ZBTB20: variants seen among roughly 807,000 people sequenced by gnomAD.
ZBTB20 encodes zinc finger and BTB domain containing 20.
Under a neutral mutation model 56.9 loss-of-function variants are expected in ZBTB20, and 9 were observed. The observed-to-expected ratio is 0.16, with a 90% CI of 0.10 to 0.28. The LOEUF (loss-of-function observed/expected upper bound fraction) is 0.28, where lower values mean the gene tolerates loss of function less well. ZBTB20 is among the 10% of genes least tolerant of loss of function. The pLI is 1.00. For synonymous variants in ZBTB20, 417 were observed against 420.7 expected (o/e 0.99, Z 0.11); for missense variants, 655 against 1,003.0 (o/e 0.65, Z 4.69).
intron 4 of ZBTB20, among the ~76,000 whole-genome samples, chr3:114,815,412 A>T (rs1307978081): frequency 6.6e-6 from 1 of 152,208 alleles, no homozygotes; most frequent in Non-Finnish European, 1.5e-5. Context: ...CAGAGACAAT[A>T]AACCACTACT....
intron 6 of ZBTB20, among the ~76,000 whole-genome samples, chr3:114,543,589 C>T (rs979959882): frequency 1.3e-5 from 2 of 152,162 alleles, no homozygotes; most frequent in Non-Finnish European, 2.9e-5. Flanking sequence ...GACTATAAAA[C>T]CCTTGGCTAC....
At chr3:115,092,681 G>A (rs951200017) in intron 1 of ZBTB20, among the ~76,000 whole-genome samples, 1 of 151,936 alleles carries the variant, frequency 6.6e-6, no homozygotes, top group Non-Finnish European at 1.5e-5. Flanking sequence ...GAGAGGAGTG[G>A]AGCCATAGTA....
chr3:114,489,766 A>C (rs1158752795), intron 7 of ZBTB20, among the ~76,000 whole-genome samples: 1 of 152,196 alleles, frequency 6.6e-6, no homozygotes, highest in Non-Finnish European at 1.5e-5. Context: ...ACAGCTGCCA[A>C]ATTTTACCCC....
At chr3:114,498,537 A>C (rs189377245) in intron 7 of ZBTB20, among the ~76,000 whole-genome samples, 1 of 152,260 alleles carries the variant, frequency 6.6e-6, no homozygotes, top group East Asian at 1.9e-4. Context: ...ATACTTGAGG[A>C]CAGTAGGACT....
At chr3:114,689,817 G>T (rs919632714) in intron 6 of ZBTB20, among the ~76,000 whole-genome samples, 1 of 151,988 alleles carries the variant, frequency 6.6e-6, no homozygotes, top group Non-Finnish European at 1.5e-5. Context: ...ATAAGAACAG[G>T]ATGCTGAAAA....
At chr3:114,667,691 C>T (rs1560104835) in intron 6 of ZBTB20, among the ~76,000 whole-genome samples, 1 of 151,986 alleles carries the variant, frequency 6.6e-6, no homozygotes, top group Non-Finnish European at 1.5e-5. Context: ...TATCAAGATG[C>T]TCTTTCAACA....
At chr3:114,497,460 G>A (rs1042985190) in intron 7 of ZBTB20, among the ~76,000 whole-genome samples, 11 of 152,098 alleles carry the variant, frequency 7.2e-5, no homozygotes, top group South Asian at 2.1e-4. Context: ...TCTGAATCTC[G>A]CTGCTACTTA....
chr3:115,100,327 C>G (rs2083543330), intron 1 of ZBTB20: 1 of 150,520 alleles, frequency 6.6e-6, no homozygotes, highest in Non-Finnish European at 1.5e-5. Context: ...TTACAAACCA[C>G]AGAGACGGGA....
chr3:114,502,437 T>G (rs968580399), intron 6 of ZBTB20, among the ~76,000 whole-genome samples: 2 of 152,190 alleles, frequency 1.3e-5, no homozygotes, highest in Non-Finnish European at 2.9e-5. Flanking sequence ...GTGTACTTGA[T>G]GCAGGATGGT....
intron 5 of ZBTB20, among the ~76,000 whole-genome samples, chr3:114,774,180 G>A (rs760973507): frequency 8.5e-5 from 13 of 152,062 alleles, no homozygotes; most frequent in Non-Finnish European, 1.8e-4. Context: ...TTCTCAGCAC[G>A]CTGCACATAT....
chr3:114,533,765 G>A (rs1334658176), intron 6 of ZBTB20, among the ~76,000 whole-genome samples: 1 of 152,216 alleles, frequency 6.6e-6, no homozygotes, highest in Admixed American at 6.5e-5. Flanking sequence ...ACAAAGGGAA[G>A]TCCATCAGAC....
At chr3:114,392,251 G>A (rs1185174333) in intron 7 of ZBTB20, among the ~76,000 whole-genome samples, 1 of 152,026 alleles carries the variant, frequency 6.6e-6, no homozygotes, top group African/African-American at 2.4e-5. Context: ...TAACTTAATC[G>A]TACATTTTAA....
chr3:114,566,339 T>A (rs994388084), intron 6 of ZBTB20, among the ~76,000 whole-genome samples: 1 of 152,144 alleles, frequency 6.6e-6, no homozygotes, highest in African/African-American at 2.4e-5. Context: ...ACAGCGAGGA[T>A]AACATCACAG....
At chr3:115,022,903 T>C (rs1277475188) in intron 2 of ZBTB20, among the ~76,000 whole-genome samples, 1 of 151,006 alleles carries the variant, frequency 6.6e-6, no homozygotes, top group Non-Finnish European at 1.5e-5. Context: ...TGATATGTAT[T>C]TTCCATTCAG....
chr3:114,428,414 C>T (rs1380182639), intron 7 of ZBTB20, among the ~76,000 whole-genome samples: 1 of 152,186 alleles, frequency 6.6e-6, no homozygotes, highest in Non-Finnish European at 1.5e-5. Flanking sequence ...TGGAGCTAGA[C>T]TGGGAGGGAC....
chr3:114,837,321 G>C (rs1243312814), intron 4 of ZBTB20, among the ~76,000 whole-genome samples: 2 of 152,102 alleles, frequency 1.3e-5, no homozygotes, highest in Non-Finnish European at 2.9e-5. Flanking sequence ...AATTCCATGA[G>C]GATGAGGTTC....
intron 2 of ZBTB20, among the ~76,000 whole-genome samples, chr3:115,018,235 T>C (rs1257579022): frequency 3.3e-5 from 5 of 151,394 alleles, no homozygotes; most frequent in Non-Finnish European, 7.4e-5. Flanking sequence ...AGTTAGATCA[T>C]TGGGTTAATC....
At chr3:114,951,975 A>C (rs2077080779) in intron 3 of ZBTB20, among the ~76,000 whole-genome samples, 1 of 152,122 alleles carries the variant, frequency 6.6e-6, no homozygotes, top group African/African-American at 2.4e-5. Context: ...CAAAATAAAG[A>C]TAATACAGAA....
chr3:114,719,745 GA>G (rs1363067112), intron 5 of ZBTB20, among the ~76,000 whole-genome samples: 1 of 152,106 alleles, frequency 6.6e-6, no homozygotes, highest in East Asian at 1.9e-4. Flanking sequence ...AAAATGTCAA[GA>G]AAATCCACAT....
Sources: gnomAD v4.1 joint callset for allele counts (sites outside exome capture counted in the v4.1 genomes callset) on GRCh38, gnomAD v4.1.1 for gene constraint, MANE v1.5 for transcripts, NCBI Gene and HGNC (gene_info 2026-07-23, HGNC 2026-07-21) for gene names.